Variants in GTF2E2 observed in about 807,000 individuals in gnomAD.
GTF2E2 encodes transcription initiation factor IIE subunit beta.
A neutral mutation model predicts 40.5 loss-of-function variants in GTF2E2; 21 were observed. That is an observed-to-expected ratio of 0.52 (90% CI 0.37 to 0.75). The LOEUF is 0.75. Ranked by LOEUF, GTF2E2 falls within the 30% of genes least tolerant of loss-of-function variation. The pLI is 0.00. For missense variants in GTF2E2, 298 were observed against 338.4 expected (o/e 0.88, Z 0.94); for synonymous variants, 117 against 121.6 (o/e 0.96, Z 0.25).
At chr8:30,653,926 A>C (rs1586014400) in intron 1 of GTF2E2, among the ~76,000 whole-genome samples, 1 of 152,048 alleles carries the variant, frequency 6.6e-6, no homozygotes, top group Non-Finnish European at 1.5e-5. Flanking sequence ...TCCTGTCTAC[A>C]AAAATACAAA....
At chr8:30,654,725 G>A (rs930439429) in intron 1 of GTF2E2, among the ~76,000 whole-genome samples, 29 of 152,090 alleles carry the variant, frequency 1.9e-4, no homozygotes, top group Admixed American at 1.9e-3. Flanking sequence ...TTAATTACAC[G>A]TGTGGCTCAC....
intron 2 of GTF2E2, among the ~76,000 whole-genome samples, chr8:30,647,959 G>C (rs1277067547): frequency 6.6e-6 from 1 of 152,104 alleles, no homozygotes; most frequent in Non-Finnish European, 1.5e-5. Context: ...TGGCAAACAA[G>C]GAACCACGTC....
chr8:30,584,311 G>C (rs1203913525), intron 6 of GTF2E2, among the ~76,000 whole-genome samples: 1 of 151,790 alleles, frequency 6.6e-6, no homozygotes, highest in East Asian at 1.9e-4. Context: ...TTTCTTCAAG[G>C]ATTCCTGACT....
Position 30,578,748 on chromosome 8 carries a change from C to T in GTF2E2, c.*173G>A, listed in dbSNP as rs74948772. 4.0e-3 allele frequency: 2,157 copies of T among 543,624 alleles called. 36 individuals are homozygous for T. The highest frequency in any genetic ancestry group is 0.038 in the African/African-American group (2,016 of 52,528). The allele number at this position is 543,624 out of a possible 1,614,324, so 33.7% of individuals were successfully genotyped here. Reference sequence around the variant, plus strand: ...AGGGAACATCACATTGCCCATGAGCCCATTCTACTCAAATAAGCTTTGAGT... The same window carrying T: ...AGGGAACATCACATTGCCCATGAGCTCATTCTACTCAAATAAGCTTTGAGT... On this transcript the variant is annotated 3_prime_UTR_variant, in exon 8 of 8. Transcript: ENST00000355904.
intron 6 of GTF2E2, among the ~76,000 whole-genome samples, chr8:30,602,471 G>C (rs888656699): frequency 6.6e-6 from 1 of 152,110 alleles, no homozygotes; most frequent in Non-Finnish European, 1.5e-5. Flanking sequence ...CAAAAGCAAA[G>C]ATGACGTTAC....
intron 6 of GTF2E2, among the ~76,000 whole-genome samples, chr8:30,599,371 G>A (rs926019549): frequency 2.0e-5 from 3 of 152,000 alleles, no homozygotes; most frequent in Non-Finnish European, 2.9e-5. Context: ...GAGGTCAGGA[G>A]TTCAAGAACT....
chr8:30,645,236 G>T, intron 2 of GTF2E2: 1 of 1,392,584 alleles, frequency 7.2e-7, no homozygotes, highest in South Asian at 1.5e-5. Context: ...TGAATTAACA[G>T]ATCTGTAGTT....
rs1801372928 is a variant in GTF2E2, at chr8:30,629,355, A to G, written c.258+5677T>C. 2.0e-5 allele frequency among the ~76,000 whole-genome samples: 3 copies of G among 152,144 alleles called. No homozygotes were observed. The South Asian group carries it at 6.2e-4, about 32-fold the overall frequency. ...AAGTAATTCAGACAGAAGTTAGGCC[A>G]GTGATTCTCAAACTTCAGCATGTAT... is the stretch of plus-strand genomic sequence containing the variant. On this transcript the variant is annotated intron_variant, in intron 3 of 7. Transcript: ENST00000355904.
chr8:30,605,163 G>C (rs1829285860), intron 6 of GTF2E2, among the ~76,000 whole-genome samples: 1 of 152,118 alleles, frequency 6.6e-6, no homozygotes, highest in African/African-American at 2.4e-5. Context: ...TTACACAACA[G>C]ACATGCTACA....
At chr8:30,610,472 A>C (rs1829449834) in intron 5 of GTF2E2, among the ~76,000 whole-genome samples, 2 of 151,132 alleles carry the variant, frequency 1.3e-5, no homozygotes, top group Admixed American at 1.3e-4. Flanking sequence ...AGGCTACATT[A>C]ATCAAAACAT....
intron 6 of GTF2E2, among the ~76,000 whole-genome samples, chr8:30,596,663 G>A (rs1007069159): frequency 2.6e-5 from 4 of 151,202 alleles, no homozygotes; most frequent in Non-Finnish European, 5.9e-5. Flanking sequence ...TCAATAGTGT[G>A]TTGTTCTTCC....
intron 3 of GTF2E2, among the ~76,000 whole-genome samples, chr8:30,619,371 T>C (rs976518412): frequency 8.6e-5 from 13 of 151,310 alleles, no homozygotes; most frequent in South Asian, 8.3e-4. Context: ...TCCATTTTGA[T>C]ATATTTTGCA....
intron 3 of GTF2E2, among the ~76,000 whole-genome samples, chr8:30,630,245 A>T (rs1429348019): frequency 6.6e-6 from 1 of 152,144 alleles, no homozygotes; most frequent in Non-Finnish European, 1.5e-5. Context: ...AGCTGGTGAG[A>T]TGAGGTGGGC....
intron 5 of GTF2E2, among the ~76,000 whole-genome samples, chr8:30,609,708 A>G (rs1291112851): frequency 6.6e-6 from 1 of 152,162 alleles, no homozygotes; most frequent in African/African-American, 2.4e-5. Flanking sequence ...TGTCCCCATC[A>G]AATCTCATGT....
intron 1 of GTF2E2, among the ~76,000 whole-genome samples, chr8:30,656,671 C>G (rs1387225369): frequency 6.6e-6 from 1 of 151,822 alleles, no homozygotes; most frequent in Admixed American, 6.6e-5. Flanking sequence ...TGCAGGGTGT[C>G]GTTGCGGGTG....
At chr8:30,636,872 AAAG>A in intron 2 of GTF2E2, 1 of 365,806 alleles carries the variant, frequency 2.7e-6, no homozygotes, top group Non-Finnish European at 5.3e-6. Context: ...AAAAAAAAAA[AAAG>A]AATGCCTTAT....
chr8:30,584,656 GA>G (rs1245224631), intron 6 of GTF2E2: 1 of 152,184 alleles, frequency 6.6e-6, no homozygotes, highest in East Asian at 1.9e-4. Flanking sequence ...AACTGCCATA[GA>G]AGGGAAGAAA....
intron 5 of GTF2E2, among the ~76,000 whole-genome samples, chr8:30,609,964 C>T (rs1829435877): frequency 6.6e-6 from 1 of 152,138 alleles, no homozygotes; most frequent in Non-Finnish European, 1.5e-5. Flanking sequence ...GAGTAGACAC[C>T]AGCATCATGC....
intron 3 of GTF2E2, among the ~76,000 whole-genome samples, chr8:30,627,689 T>C (rs752993187): frequency 2.6e-5 from 4 of 152,156 alleles, no homozygotes; most frequent in Non-Finnish European, 5.9e-5. Context: ...GAATGATGTT[T>C]AAAAATGATT....
Sources: gnomAD v4.1 joint callset for allele counts (sites outside exome capture counted in the v4.1 genomes callset) on GRCh38, gnomAD v4.1.1 for gene constraint, MANE v1.5 for transcripts, NCBI Gene and HGNC (gene_info 2026-07-23, HGNC 2026-07-21) for gene names.